The following FMN2 variants were observed in gnomAD, a reference collection of about 807,000 sequenced individuals.
The protein encoded by FMN2 is formin-2.
Under a neutral mutation model 142.3 loss-of-function variants are expected in FMN2, and 51 were observed. That is an observed-to-expected ratio of 0.36 (90% CI 0.29 to 0.45). The LOEUF (loss-of-function observed/expected upper bound fraction) is 0.45, where lower values mean the gene tolerates loss of function less well. Ranked by LOEUF, FMN2 falls within the 20% of genes least tolerant of loss-of-function variation. The pLI is 1.00. For synonymous variants in FMN2, 882 were observed against 869.8 expected (o/e 1.01, Z -0.25); for missense variants, 1,936 against 2,122.8 (o/e 0.91, Z 1.73).
chr1:240,279,780 C>T (rs1484521877), intron 7 of FMN2, among the ~76,000 whole-genome samples: 1 of 152,136 alleles, frequency 6.6e-6, no homozygotes, highest in Non-Finnish European at 1.5e-5. Flanking sequence ...TACACATCAA[C>T]ATATACTTCA....
intron 16 of FMN2, among the ~76,000 whole-genome samples, chr1:240,461,344 AT>A (rs1676445297): frequency 6.6e-6 from 1 of 152,134 alleles, no homozygotes; most frequent in South Asian, 2.1e-4. Context: ...TTACTGCGAA[AT>A]TTAAAGGAGA....
chr1:240,268,183 A>G (rs1157678800), intron 7 of FMN2, among the ~76,000 whole-genome samples: 1 of 152,076 alleles, frequency 6.6e-6, no homozygotes, highest in Non-Finnish European at 1.5e-5. Flanking sequence ...TGGGAGTGAG[A>G]TAAGAGGGAA....
At chr1:240,342,954 A>G (rs906603299) in intron 13 of FMN2, among the ~76,000 whole-genome samples, 11 of 152,120 alleles carry the variant, frequency 7.2e-5, no homozygotes, top group African/African-American at 1.2e-4. Flanking sequence ...AAAGATCTGT[A>G]AAATTCTCCC....
chr1:240,455,232 A>G (rs1052673897), intron 16 of FMN2, among the ~76,000 whole-genome samples: 2 of 152,092 alleles, frequency 1.3e-5, no homozygotes, highest in Non-Finnish European at 2.9e-5. Flanking sequence ...CTATTCATTA[A>G]TAATTATTAA....
intron 3 of FMN2, among the ~76,000 whole-genome samples, chr1:240,183,130 C>G (rs138808494): frequency 1.5e-3 from 223 of 151,562 alleles, no homozygotes; most frequent in African/African-American, 5.1e-3. Flanking sequence ...GTAGCTCAGG[C>G]TGGTGTTGAA....
intron 16 of FMN2, among the ~76,000 whole-genome samples, chr1:240,460,131 T>C (rs930507969): frequency 1.3e-5 from 2 of 152,258 alleles, no homozygotes; most frequent in Admixed American, 6.5e-5. Context: ...ATGAACGCTA[T>C]AGCCCACTGT....
At chr1:240,341,908 G>T (rs940963766) in intron 13 of FMN2, among the ~76,000 whole-genome samples, 18 of 152,144 alleles carry the variant, frequency 1.2e-4, no homozygotes, top group African/African-American at 4.3e-4. Flanking sequence ...GTTGCATGTG[G>T]GCTACAGCCC....
In FMN2 at chr1:240,093,551, G is replaced by C. The variant is rs749834072; in HGVS notation, c.1442G>C (p.Arg481Pro). 4.6e-6 allele frequency: 7 copies of C among 1,524,502 alleles called. No homozygotes were observed. Among genetic ancestry groups the C allele is most frequent in the African/African-American group, 1.4e-5 (1 of 69,812 alleles). 94.4% of individuals were successfully genotyped at this position (1,524,502 alleles called of 1,614,324 possible). The part of the protein sequence containing the change: ...ADGGLAAGLS[R>P]SADWTEELGA... ...GGCGGCCTTGCGGCCGGCCTGAGCC[G>C]CTCGGCTGACTGGACGGAGGAGCTA... is the stretch of plus-strand genomic sequence containing the variant. The change falls in exon 1 of 18, where the codon CGC (arginine) becomes CCC (proline). Residue 481 changes from arginine to proline, a missense_variant. Arg to Pro is a moderately radical substitution (Grantham distance 103). Coordinates refer to ENST00000319653, the MANE Select transcript of FMN2 (RefSeq NM_020066.5).
chr1:240,183,808 C>T (rs1485141890), intron 3 of FMN2, among the ~76,000 whole-genome samples: 1 of 152,068 alleles, frequency 6.6e-6, no homozygotes, highest in East Asian at 1.9e-4. Context: ...TATTAGGCAG[C>T]CAATCATAAG....
intron 7 of FMN2, among the ~76,000 whole-genome samples, chr1:240,274,163 A>G (rs1669112682): frequency 6.6e-6 from 1 of 151,968 alleles, no homozygotes; most frequent in Non-Finnish European, 1.5e-5. Flanking sequence ...AGAGACAAAA[A>G]TCCATGTCTG....
At chr1:240,291,724 G>A (rs1253085913) in intron 7 of FMN2, among the ~76,000 whole-genome samples, 1 of 151,170 alleles carries the variant, frequency 6.6e-6, no homozygotes, top group African/African-American at 2.4e-5. Flanking sequence ...AGTAGATGCA[G>A]TTGGAATGGA....
rs529227531 is a variant in FMN2 at position 240,159,707 on chromosome 1, G to A, written c.1783-18214G>A. On this transcript the variant is annotated intron_variant, in intron 2 of 17. Transcript: ENST00000319653. ...AACCTAACCTGTTTGTGGGGAGCCA[G>A]CCCTGACTGCCATTTATTACTTTTA... is the stretch of plus-strand genomic sequence containing the variant. 1.1e-4 allele frequency among the ~76,000 whole-genome samples: 16 copies of A among 152,034 alleles called. No homozygotes were observed. The East Asian group carries it at 2.7e-3, about 26-fold the overall frequency.
intron 16 of FMN2, among the ~76,000 whole-genome samples, chr1:240,463,507 C>T (rs183286229): frequency 5.3e-4 from 81 of 152,110 alleles, no homozygotes; most frequent in African/African-American, 1.8e-3. Context: ...GTCTTCACCG[C>T]AGAAGTGGTA....
At chr1:240,124,716 G>T (rs1461068917) in intron 2 of FMN2, among the ~76,000 whole-genome samples, 1 of 151,958 alleles carries the variant, frequency 6.6e-6, no homozygotes, top group Non-Finnish European at 1.5e-5. Flanking sequence ...TCCCCAGGCT[G>T]GAGTGCAGTG....
intron 14 of FMN2, among the ~76,000 whole-genome samples, chr1:240,372,639 CTTTTTT>C (rs748480743): frequency 8.7e-6 from 1 of 114,844 alleles, no homozygotes; most frequent in Non-Finnish European, 1.9e-5. Flanking sequence ...GGAAGAATTT[CTTTTTT>C]TTTTTTTTTT....
At chr1:240,160,506 GTA>G (rs537259594) in intron 2 of FMN2, among the ~76,000 whole-genome samples, 1 of 149,432 alleles carries the variant, frequency 6.7e-6, no homozygotes, top group African/African-American at 2.4e-5. Context: ...TATATAATGT[GTA>G]TATATATAAT....
chr1:240,458,602 T>G (rs998186327), intron 16 of FMN2: 1 of 152,204 alleles, frequency 6.6e-6, no homozygotes, highest in African/African-American at 2.4e-5. Context: ...AAAAAACTTT[T>G]CTGAGCTATT....
At chr1:240,126,608 A>G (rs1429482214) in intron 2 of FMN2, among the ~76,000 whole-genome samples, 1 of 152,192 alleles carries the variant, frequency 6.6e-6, no homozygotes, top group African/African-American at 2.4e-5. Context: ...AAGTATGAAA[A>G]GACTTCACAT....
rs533698526 is a variant in FMN2 at position 240,238,962 on chromosome 1, T to C, written c.4066-18983T>C. Among the ~76,000 whole-genome samples, 3 of 138,084 alleles carry C rather than the reference T, an allele frequency of 2.2e-5. No homozygotes were observed. In the East Asian group the frequency reaches 6.2e-4, roughly 29 times the overall value. 90.6% of individuals were successfully genotyped at this position (138,084 alleles called of 152,430 possible). A position where few individuals can be genotyped will look rare whatever the true frequency, so the allele number is the denominator to read the frequency against. ...ACGATAGAAGTTAGAAGGAGACTTT[T>C]GTGTGGGGGAGTATTGAAGGAGGTA... On this transcript the variant is annotated intron_variant, in intron 6 of 17. Transcript: ENST00000319653.
Sources: allele counts gnomAD v4.1 joint callset (sites outside exome capture counted in the v4.1 genomes callset), GRCh38; gene constraint gnomAD v4.1.1; transcripts MANE v1.5; gene names NCBI Gene and HGNC (gene_info 2026-07-23, HGNC 2026-07-21).